The following RPS6KC1 variants were observed in gnomAD, a reference collection of about 807,000 sequenced individuals.
RPS6KC1 encodes the protein inactive ribosomal protein S6 kinase delta-1.
In RPS6KC1, 54 loss-of-function variants were observed where a neutral mutation model predicts 103.8. The ratio of observed to expected loss-of-function variants is 0.52; its 90% confidence interval spans 0.42 to 0.65. RPS6KC1 has a LOEUF of 0.65. Ranked by LOEUF, RPS6KC1 falls within the 30% of genes least tolerant of loss-of-function variation. The pLI, the probability that RPS6KC1 is intolerant of heterozygous loss-of-function variation, is 0.00. For missense variants in RPS6KC1, 1,151 were observed against 1,253.8 expected, an observed-to-expected ratio of 0.92 and a Z score of 1.24; for synonymous variants, 439 against 438.7, an observed-to-expected ratio of 1.00 and a Z score of -0.01.
At chr1:213,555,834 T>G in the RPS6KC1 span, among the ~76,000 whole-genome samples, 1 of 152,258 alleles carries the variant, frequency 6.6e-6, no homozygotes, top group Non-Finnish European at 1.5e-5. Flanking sequence ...GAACTCTTTT[T>G]TCCACTTCTA....
At chr1:213,527,398 G>A in the RPS6KC1 span, among the ~76,000 whole-genome samples, 2 of 152,178 alleles carry the variant, frequency 1.3e-5, no homozygotes, top group Admixed American at 1.3e-4. Flanking sequence ...CTGAGGCTTG[G>A]CTAGAACCCC....
At chr1:213,762,342 T>C in the RPS6KC1 span, among the ~76,000 whole-genome samples, 2 of 152,186 alleles carry the variant, frequency 1.3e-5, no homozygotes, top group Non-Finnish European at 2.9e-5. Context: ...TCTCTTTGCC[T>C]TTCTGTCTTC....
the RPS6KC1 span, among the ~76,000 whole-genome samples, chr1:213,849,620 A>C: frequency 6.6e-6 from 1 of 152,190 alleles, no homozygotes; most frequent in East Asian, 1.9e-4. Flanking sequence ...AGGTAAAGTT[A>C]TAATAATTTT....
At chr1:213,435,076 A>C in the RPS6KC1 span, among the ~76,000 whole-genome samples, 1 of 152,044 alleles carries the variant, frequency 6.6e-6, no homozygotes, top group African/African-American at 2.4e-5. Context: ...ATTTTTAGAA[A>C]ATTCATTTTT....
the RPS6KC1 span, among the ~76,000 whole-genome samples, chr1:213,282,302 T>C: frequency 6.6e-6 from 1 of 152,256 alleles, no homozygotes; most frequent in Admixed American, 6.5e-5. Context: ...ATCCTGGACC[T>C]GTTTTGCAAA....
the RPS6KC1 span, among the ~76,000 whole-genome samples, chr1:213,465,413 A>G: frequency 6.6e-6 from 1 of 152,188 alleles, no homozygotes; most frequent in Non-Finnish European, 1.5e-5. Context: ...TAAAGGGCAT[A>G]CACATTTTCA....
At chr1:213,278,472 A>G (rs1320645584), downstream of RPS6KC1, among the ~76,000 whole-genome samples, 1 of 152,238 alleles carries the variant, frequency 6.6e-6, no homozygotes, top group African/African-American at 2.4e-5. Context: ...TGAGTCTCTC[A>G]GGATTGTTAT....
intron 1 of RPS6KC1, among the ~76,000 whole-genome samples, chr1:213,064,279 A>G (rs2078097676): frequency 6.6e-6 from 1 of 151,758 alleles, no homozygotes; most frequent in Non-Finnish European, 1.5e-5. Flanking sequence ...TTAGTCTTGA[A>G]CTTGTGACCT....
At chr1:213,289,046 C>T in the RPS6KC1 span, among the ~76,000 whole-genome samples, 3 of 152,110 alleles carry the variant, frequency 2.0e-5, no homozygotes, top group Non-Finnish European at 4.4e-5. Flanking sequence ...CGATGCTGGT[C>T]TGTGAGCCCC....
chr1:213,843,206 A>G, the RPS6KC1 span, among the ~76,000 whole-genome samples: 2 of 152,170 alleles, frequency 1.3e-5, no homozygotes, highest in Non-Finnish European at 2.9e-5. Flanking sequence ...TTTAAATGTA[A>G]TCTGCTTTAC....
the RPS6KC1 span, among the ~76,000 whole-genome samples, chr1:213,637,597 G>T: frequency 6.6e-6 from 1 of 152,030 alleles, no homozygotes; most frequent in Admixed American, 6.6e-5. Context: ...CCAAGGGGTA[G>T]AGCAGGATTA....
At chr1:213,737,308 G>GTTGT in the RPS6KC1 span, among the ~76,000 whole-genome samples, 3 of 152,272 alleles carry the variant, frequency 2.0e-5, no homozygotes, top group African/African-American at 7.2e-5. Flanking sequence ...TTGGGGGGTT[G>GTTGT]TTGTTTGTTT....
At chr1:213,292,519 A>ACCCTTT in the RPS6KC1 span, among the ~76,000 whole-genome samples, 6 of 151,824 alleles carry the variant, frequency 4.0e-5, no homozygotes, top group East Asian at 1.9e-4. Context: ...TGCTTGAGAA[A>ACCCTTT]CCCTTTCCTG....
At chr1:213,534,152 G>A in the RPS6KC1 span, among the ~76,000 whole-genome samples, 2 of 152,182 alleles carry the variant, frequency 1.3e-5, no homozygotes, top group Non-Finnish European at 2.9e-5. Context: ...CTTGTGACTG[G>A]ACTCAGTGGA....
chr1:213,696,417 G>A, the RPS6KC1 span, among the ~76,000 whole-genome samples: 8,891 of 149,496 alleles, frequency 0.059, 355 homozygotes, highest in South Asian at 0.14. Context: ...CAGGAGAATC[G>A]CTTGAACCCG....
chr1:213,512,914 A>C, the RPS6KC1 span, among the ~76,000 whole-genome samples: 1 of 152,182 alleles, frequency 6.6e-6, no homozygotes, highest in South Asian at 2.1e-4. Flanking sequence ...CAACTGGAAA[A>C]AGTCAGCTCA....
At chr1:213,131,604 G>A (rs1445093689) in intron 6 of RPS6KC1, among the ~76,000 whole-genome samples, 2 of 151,790 alleles carry the variant, frequency 1.3e-5, no homozygotes, top group Non-Finnish European at 2.9e-5. Flanking sequence ...CCACCATGCC[G>A]AACTAATTTT....
At chr1:213,216,555 C>T (rs2093667553) in intron 8 of RPS6KC1, among the ~76,000 whole-genome samples, 3 of 152,222 alleles carry the variant, frequency 2.0e-5, no homozygotes, top group Non-Finnish European at 2.9e-5. Flanking sequence ...CACCCCAAAT[C>T]AACAGAATAT....
the RPS6KC1 span, among the ~76,000 whole-genome samples, chr1:213,363,681 T>TC: frequency 1.9e-5 from 2 of 103,024 alleles, no homozygotes; most frequent in Admixed American, 8.9e-5. Context: ...TTTCTTTCTT[T>TC]CTTTCTTTCT....
Sources: gnomAD v4.1 joint callset for allele counts (sites outside exome capture counted in the v4.1 genomes callset) on GRCh38, gnomAD v4.1.1 for gene constraint, MANE v1.5 for transcripts, NCBI Gene and HGNC (gene_info 2026-07-23, HGNC 2026-07-21) for gene names.